PTPRD: variants seen among roughly 807,000 people sequenced by gnomAD.
PTPRD encodes the protein protein tyrosine phosphatase receptor type D.
In PTPRD, 34 loss-of-function variants were observed where a neutral mutation model predicts 214.5. That is an observed-to-expected ratio of 0.16 (90% CI 0.12 to 0.21). The LOEUF is 0.21. PTPRD is among the 10% of genes least tolerant of loss of function. PTPRD has a pLI of 1.00. For missense variants in PTPRD, 2,545 were observed against 2,398.7 expected (o/e 1.06, Z -1.27); for synonymous variants, 1,128 against 845.7 (o/e 1.33, Z -5.79).
intron 2 of PTPRD, among the ~76,000 whole-genome samples, chr9:10,532,581 T>C (rs1350528488): frequency 6.8e-6 from 1 of 147,830 alleles, no homozygotes; most frequent in Admixed American, 6.8e-5. Context: ...ACACTATATA[T>C]ATATTTATAT....
At chr9:8,436,839 G>T in intron 34 of PTPRD, 150 bp from the exon 35 acceptor site, 1 of 652,344 alleles carries the variant, frequency 1.5e-6, no homozygotes, top group Non-Finnish European at 2.6e-6. Context: ...CAAATAGTTT[G>T]GTTACTCAAA....
At chr9:10,365,570 G>T (rs368956747) in intron 2 of PTPRD, among the ~76,000 whole-genome samples, 8 of 151,876 alleles carry the variant, frequency 5.3e-5, no homozygotes, top group African/African-American at 1.9e-4. Flanking sequence ...ACTTTCTATC[G>T]TACTTTAAAT....
At chr9:8,437,341 ATGC>A in intron 34 of PTPRD, 1 of 925,042 alleles carries the variant, frequency 1.1e-6, no homozygotes, top group Non-Finnish European at 1.6e-6. Context: ...ACTAATTAAA[ATGC>A]TGCAAGTTTT....
At chr9:9,663,221 A>G (rs976388893) in intron 7 of PTPRD, among the ~76,000 whole-genome samples, 3 of 151,446 alleles carry the variant, frequency 2.0e-5, no homozygotes, top group African/African-American at 7.3e-5. Flanking sequence ...CACATTACTC[A>G]GTAGTCATGG....
intron 39 of PTPRD, among the ~76,000 whole-genome samples, chr9:8,370,171 C>T (rs986797036): frequency 5.9e-5 from 9 of 151,268 alleles, no homozygotes; most frequent in Non-Finnish European, 1.0e-4. Context: ...AAAAACAATA[C>T]TATATGTCTC....
chr9:9,941,089 T>A (rs1378092800), intron 4 of PTPRD, among the ~76,000 whole-genome samples: 1 of 152,060 alleles, frequency 6.6e-6, no homozygotes, highest in Non-Finnish European at 1.5e-5. Context: ...TCCAAAAAAA[T>A]CTCATGTTTT....
At chr9:9,524,200 T>C (rs1313490121) in intron 8 of PTPRD, among the ~76,000 whole-genome samples, 1 of 152,138 alleles carries the variant, frequency 6.6e-6, no homozygotes, top group South Asian at 2.1e-4. Flanking sequence ...ATGGGAGCCC[T>C]TGGGTACAGC....
intron 12 of PTPRD, among the ~76,000 whole-genome samples, chr9:8,724,135 T>C (rs2098532263): frequency 6.6e-6 from 1 of 152,212 alleles, no homozygotes; most frequent in East Asian, 1.9e-4. Context: ...TAGATAAAAC[T>C]ATCTGAACTT....
chr9:10,552,871 C>T (rs544205666), intron 2 of PTPRD, among the ~76,000 whole-genome samples: 44 of 152,286 alleles, frequency 2.9e-4, no homozygotes, highest in African/African-American at 9.1e-4. Flanking sequence ...GAAACCTATT[C>T]TTGTCCTAAA....
At chr9:10,484,273 A>C (rs1478866066) in intron 2 of PTPRD, among the ~76,000 whole-genome samples, 1 of 152,096 alleles carries the variant, frequency 6.6e-6, no homozygotes, top group East Asian at 1.9e-4. Context: ...AGAGTAGTAC[A>C]ATGGACATTG....
intron 8 of PTPRD, among the ~76,000 whole-genome samples, chr9:9,544,963 C>CTTG (rs745951789): frequency 2.0e-5 from 3 of 151,182 alleles, no homozygotes; most frequent in South Asian, 4.1e-4. Flanking sequence ...TAAATCTCAT[C>CTTG]TTGTTGTTCT....
At chr9:10,342,205 T>G (rs2096954228) in intron 2 of PTPRD, among the ~76,000 whole-genome samples, 1 of 152,084 alleles carries the variant, frequency 6.6e-6, no homozygotes, top group African/African-American at 2.4e-5. Flanking sequence ...CCTGTCCACA[T>G]CATGAGTGCG....
At chr9:8,339,633 G>T (rs949759519) in intron 42 of PTPRD, among the ~76,000 whole-genome samples, 1 of 151,958 alleles carries the variant, frequency 6.6e-6, no homozygotes, top group Admixed American at 6.6e-5. Context: ...GTTCTCTCCG[G>T]GGGCTCTACA....
At chr9:9,875,034 G>C (rs142938039) in intron 5 of PTPRD, among the ~76,000 whole-genome samples, 18 of 152,218 alleles carry the variant, frequency 1.2e-4, no homozygotes, top group African/African-American at 4.3e-4. Context: ...AGAATGATTA[G>C]ATAACTCAAG....
chr9:9,236,772 C>A (rs2099967019), intron 9 of PTPRD, among the ~76,000 whole-genome samples: 1 of 151,744 alleles, frequency 6.6e-6, no homozygotes. Flanking sequence ...TGCAGGCAGC[C>A]AACCATAAGG....
intron 5 of PTPRD, among the ~76,000 whole-genome samples, chr9:9,853,907 A>G (rs2061036128): frequency 6.6e-6 from 1 of 152,224 alleles, no homozygotes; most frequent in African/African-American, 2.4e-5. Context: ...ATGGGGCACA[A>G]TGTGATGTTT....
intron 44 of PTPRD, among the ~76,000 whole-genome samples, chr9:8,328,734 C>G (rs1184072732): frequency 1.3e-5 from 2 of 151,914 alleles, no homozygotes; most frequent in Admixed American, 6.6e-5. Flanking sequence ...TTTCTTTTTA[C>G]TCTTTTCTCT....
chr9:8,713,972 A>G, intron 12 of PTPRD: 1 of 608,830 alleles, frequency 1.6e-6, no homozygotes. Flanking sequence ...TGACCTTGGT[A>G]CACAGTGACT....
intron 4 of PTPRD, among the ~76,000 whole-genome samples, chr9:9,992,528 T>C (rs2095977229): frequency 6.6e-6 from 1 of 152,112 alleles, no homozygotes; most frequent in Admixed American, 6.5e-5. Context: ...CTATTCACAA[T>C]AGCAAAGACT....
Sources: gnomAD v4.1 joint callset for allele counts (sites outside exome capture counted in the v4.1 genomes callset) on GRCh38, gnomAD v4.1.1 for gene constraint, MANE v1.5 for transcripts, NCBI Gene and HGNC (gene_info 2026-07-23, HGNC 2026-07-21) for gene names.